The following SCAMP4 variants were observed in gnomAD, a reference collection of about 807,000 sequenced individuals.
SCAMP4 encodes secretory carrier membrane protein 4.
SCAMP4 carries 19 observed loss-of-function variants against 32.1 expected under a neutral mutation model. The ratio of observed to expected loss-of-function variants is 0.59; its 90% CI spans 0.41 to 0.87. SCAMP4 has a LOEUF of 0.87. Among genes scored for constraint, SCAMP4 ranks in the 40% least tolerant of loss-of-function variants. SCAMP4 has a pLI of 0.00. For synonymous variants in SCAMP4, 152 were observed against 132.7 expected, an observed-to-expected ratio of 1.15 and a Z score of -1.00; for missense variants, 302 against 309.0, an observed-to-expected ratio of 0.98 and a Z score of 0.17.
chr19:1,920,763 G>A (rs983005181), intron 5 of SCAMP4: 81 of 985,414 alleles, frequency 8.2e-5, no homozygotes, highest in Non-Finnish European at 9.6e-5. Flanking sequence ...CCTGTGAGCC[G>A]CCTCCCCGGT....
chr19:1,916,839 C>A (rs1467709468), intron 2 of SCAMP4, among the ~76,000 whole-genome samples: 4 of 152,228 alleles, frequency 2.6e-5, no homozygotes, highest in African/African-American at 4.8e-5. Context: ...CAGGCCACAG[C>A]CTCCCCGCAG....
chr19:1,919,032 C>G (rs950019381), intron 5 of SCAMP4, 42 bp downstream of exon 5: 1 of 1,570,420 alleles, frequency 6.4e-7, no homozygotes, highest in South Asian at 1.2e-5. Context: ...TGATGTGGCT[C>G]AGCTGCCAGG....
rs2013245474 is a variant in SCAMP4 at position 1,908,273 on chromosome 19, C to CCGGTTCTGTGCTTTGTTGAACG, written c.-42+2837_-42+2858dup. 3.4e-6 allele frequency: 1 copy of CCGGTTCTGTGCTTTGTTGAACG among 293,404 alleles called. No individual in the cohort carries two copies. Among genetic ancestry groups the CCGGTTCTGTGCTTTGTTGAACG allele is most frequent in the Non-Finnish European group, 6.8e-6 (1 of 147,400 alleles). The allele number at this position is 293,404 out of a possible 1,614,324, so 18.2% of individuals were successfully genotyped here. A position where few individuals can be genotyped will look rare whatever the true frequency, so the allele number is the denominator to read the frequency against. ...CCTGCTCCCGGCTCCCACTGCATCT[C>CCGGTTCTGTGCTTTGTTGAACG]CGGTTCTGTGCTTTGTTGAACGCGT... is the stretch of plus-strand genomic sequence containing the variant. On this transcript the variant is annotated intron_variant, in intron 1 of 6. Coordinates refer to ENST00000316097, the MANE Select transcript of SCAMP4 (RefSeq NM_079834.4). This position sits in a 1 kb window ranked among gnomAD's most constrained non-coding sequence, Gnocchi z 4.2.
chr19:1,907,391 T>TAA (rs111426560), intron 1 of SCAMP4, among the ~76,000 whole-genome samples: 8,579 of 137,214 alleles, frequency 0.063, 341 homozygotes, highest in East Asian at 0.12. Flanking sequence ...AGCCCTGCCT[T>TAA]AAAAAAAAAA....
chr19:1,907,910 ACAGT>A (rs2013221158), intron 1 of SCAMP4: 1 of 152,562 alleles, frequency 6.6e-6, no homozygotes, highest in Non-Finnish European at 1.5e-5. Context: ...CTGGCCTGGG[ACAGT>A]CAATCAGCCT....
chr19:1,912,434 G>A, intron 1 of SCAMP4: 1 of 1,510,422 alleles, frequency 6.6e-7, no homozygotes, highest in Non-Finnish European at 8.8e-7. Context: ...TGCCACGGCC[G>A]GCTGTGGACC....
chr19:1,919,239 G>A (rs1599253270), intron 5 of SCAMP4: 1 of 1,359,948 alleles, frequency 7.4e-7, no homozygotes, highest in Non-Finnish European at 9.5e-7. Flanking sequence ...CCCTGGCAGT[G>A]CCTGCGTCCT....
At chr19:1,922,849 C>T (rs778323163) in intron 5 of SCAMP4, 44 of 1,272,220 alleles carry the variant, frequency 3.5e-5, no homozygotes, top group Non-Finnish European at 4.4e-5. Context: ...GCACACGCGG[C>T]TCACTGCTGC....
rs566656454 is a variant in SCAMP4 at position 1,911,973 on chromosome 19, C to T, written c.-41-3006C>T. The T allele has an allele frequency of 1.4e-4, 201 of 1,405,330 alleles. No individual in the cohort carries two copies. In the African/African-American group the frequency reaches 2.6e-3, roughly 18 times the overall value. 87.1% of individuals were successfully genotyped at this position (1,405,330 alleles called of 1,614,324 possible). On this transcript the variant is annotated intron_variant, in intron 1 of 6. Coordinates refer to ENST00000316097, the MANE Select transcript of SCAMP4 (RefSeq NM_079834.4). ...GGACTAGCCTCAGCTTTGGTGGCAG[C>T]ACGCCCTGCCTTGTGGAGCCACGGC...
rs376495954 is a variant in SCAMP4 at position 1,918,243 on chromosome 19, G to A, written c.253G>A (p.Gly85Ser). Residue 85 changes from glycine (G) to serine (S), a missense_variant, in exon 4 of 7, where the codon GGC (glycine) becomes AGC (serine). Transcript: ENST00000316097. ...FVWLLLFTPC[G>S]YVCWFRPVYK... Reference sequence around the variant, plus strand: ...GTGGCTGCTCCTGTTCACGCCTTGCGGCTACGTGTGCTGGTTCCGGCCTGT... The same window carrying A: ...GTGGCTGCTCCTGTTCACGCCTTGCAGCTACGTGTGCTGGTTCCGGCCTGT... The A allele has an allele frequency of 9.3e-6, 15 of 1,609,284 alleles. No homozygotes were observed. The highest frequency in any genetic ancestry group is 6.6e-5 in the South Asian group (6 of 90,962).
rs1404430434 is a variant in SCAMP4, at chr19:1,908,523, C to T, written c.-42+3084C>T. On this transcript the variant is annotated intron_variant, in intron 1 of 6. Transcript: ENST00000316097. The surrounding 1 kb of genome is among the most constrained non-coding windows in gnomAD (Gnocchi z 4.2). ...GTCCATACCAGCGGGGATGTGTAGT[C>T]CAGGCTGGCAGTTCAGGATCACCCG... 1 of 471,124 alleles carries T rather than the reference C, an allele frequency of 2.1e-6. No homozygotes were observed. Among genetic ancestry groups the T allele is most frequent in the Non-Finnish European group, 4.4e-6 (1 of 227,046 alleles). 29.2% of individuals were successfully genotyped at this position (471,124 alleles called of 1,614,324 possible). A position where few individuals can be genotyped will look rare whatever the true frequency, so the allele number is the denominator to read the frequency against.
chr19:1,924,047 C>G (rs540029147), intron 6 of SCAMP4, 61 bp from the exon 7 acceptor site: 2 of 1,419,770 alleles, frequency 1.4e-6, no homozygotes, highest in Non-Finnish European at 1.9e-6. Context: ...GGCGTGAGTC[C>G]CCGTGCCCGG....
chr19:1,910,355 C>T (rs548596429), intron 1 of SCAMP4, among the ~76,000 whole-genome samples: 9 of 152,298 alleles, frequency 5.9e-5, no homozygotes, highest in East Asian at 5.8e-4. Context: ...AGCCAGGCGC[C>T]GCCTGTCCCC....
At chr19:1,923,284 C>G in intron 6 of SCAMP4, 97 bp downstream of exon 6, 4 of 1,067,086 alleles carry the variant, frequency 3.7e-6, no homozygotes, top group Non-Finnish European at 5.3e-6. Flanking sequence ...GAGCCGGGCC[C>G]TCTCCCCACG....
chr19:1,919,372 C>G (rs2013845426), intron 5 of SCAMP4: 1 of 985,328 alleles, frequency 1.0e-6, no homozygotes, highest in Non-Finnish European at 1.2e-6. Context: ...ACCTGTACAT[C>G]TGTAAAAACA....
intron 2 of SCAMP4, among the ~76,000 whole-genome samples, chr19:1,916,343 G>A (rs2145448195): frequency 1.3e-5 from 2 of 152,332 alleles, no homozygotes; most frequent in South Asian, 4.1e-4. Flanking sequence ...TCCCCCAGAA[G>A]CTGCTTGAGA....
intron 5 of SCAMP4, chr19:1,920,811 G>T: frequency 1.0e-6 from 1 of 985,542 alleles, no homozygotes; most frequent in Non-Finnish European, 1.2e-6. Flanking sequence ...GGGTGGACAG[G>T]CCTGTGCCCG....
At position 1,916,274 on chromosome 19, in the gene SCAMP4, C is replaced by T. The variant is rs981877006; in HGVS notation, c.7+1248C>T. Among the ~76,000 whole-genome samples the T allele has an allele frequency of 2.6e-5, 4 of 151,642 alleles. No individual in the cohort carries two copies. In the South Asian group the frequency reaches 6.3e-4, roughly 24 times the overall value. ...AAAGACATGGAGATACAGGAGGAGT[C>T]GTCGTGGAGATGGAGGCAGAGGCCA... On this transcript the variant is annotated intron_variant, in intron 2 of 6. Transcript: ENST00000316097.
intron 2 of SCAMP4, among the ~76,000 whole-genome samples, chr19:1,916,495 C>G (rs565054970): frequency 6.6e-6 from 1 of 152,254 alleles, no homozygotes; most frequent in South Asian, 2.1e-4. Context: ...GGGTCTGGGT[C>G]TCTCCCAGGC....
Sources: gnomAD v4.1 joint callset for allele counts (sites outside exome capture counted in the v4.1 genomes callset) on GRCh38, gnomAD v4.1.1 for gene constraint, Gnocchi (gnomAD v3.1) non-coding constraint, MANE v1.5 for transcripts, NCBI Gene and HGNC (gene_info 2026-07-23, HGNC 2026-07-21) for gene names.